FHIT: variants seen among roughly 807,000 people sequenced by gnomAD.
The protein encoded by FHIT is fragile histidine triad diadenosine triphosphatase.
A neutral mutation model predicts 17.9 loss-of-function variants in FHIT; 19 were observed. The observed-to-expected ratio is 1.06, with a 90% CI of 0.74 to 1.56. FHIT has a LOEUF of 1.56. Among genes scored for constraint, FHIT ranks in the 40% most tolerant of loss-of-function variants. The pLI, the probability that FHIT is intolerant of heterozygous loss-of-function variation, is 0.00. For missense variants in FHIT, 248 were observed against 189.2 expected, an observed-to-expected ratio of 1.31 and a Z score of -1.82; for synonymous variants, 81 against 69.7, an observed-to-expected ratio of 1.16 and a Z score of -0.81.
chr3:60,205,782 A>C (rs763086274), intron 5 of FHIT, among the ~76,000 whole-genome samples: 1 of 152,042 alleles, frequency 6.6e-6, no homozygotes, highest in Non-Finnish European at 1.5e-5. Context: ...TTTTGGTGAA[A>C]TTGTGTTTTT....
chr3:60,203,443 C>G (rs1703011898), intron 5 of FHIT, among the ~76,000 whole-genome samples: 1 of 152,158 alleles, frequency 6.6e-6, no homozygotes, highest in African/African-American at 2.4e-5. Context: ...GAAATAAGGA[C>G]TGTCTCTTTC....
intron 4 of FHIT, among the ~76,000 whole-genome samples, chr3:60,735,214 A>T (rs782718058): frequency 2.6e-5 from 4 of 152,216 alleles, no homozygotes; most frequent in African/African-American, 4.8e-5. Flanking sequence ...ATGATAAATG[A>T]TCAAGGCCCA....
At chr3:60,497,631 C>T (rs6789802) in intron 5 of FHIT, among the ~76,000 whole-genome samples, 74,328 of 152,014 alleles carry the variant, frequency 0.49, 19,340 homozygotes, top group East Asian at 0.71. Context: ...ACCCAGGATT[C>T]ATCCAGGATC....
chr3:61,188,520 C>T (rs1426597171), intron 2 of FHIT, among the ~76,000 whole-genome samples: 1 of 152,168 alleles, frequency 6.6e-6, no homozygotes, highest in Non-Finnish European at 1.5e-5. Context: ...GGAGCTAGTA[C>T]CAGTCCTTCT....
At chr3:60,168,348 A>G (rs12172955) in intron 5 of FHIT, among the ~76,000 whole-genome samples, 28,702 of 152,190 alleles carry the variant, frequency 0.19, 3,457 homozygotes, top group East Asian at 0.34. Context: ...TTGTCTATTA[A>G]CAGCGTCCAT....
chr3:61,206,430 T>C (rs1157333316), intron 1 of FHIT, among the ~76,000 whole-genome samples: 2 of 151,648 alleles, frequency 1.3e-5, no homozygotes, highest in African/African-American at 4.9e-5. Flanking sequence ...TTTGACAATA[T>C]TGATTCTTCC....
intron 5 of FHIT, among the ~76,000 whole-genome samples, chr3:60,445,243 C>T (rs1313859770): frequency 6.6e-6 from 1 of 152,068 alleles, no homozygotes; most frequent in East Asian, 1.9e-4. Context: ...CAAATAAACT[C>T]ACAGATGATG....
rs75069997 is a variant in FHIT at position 60,392,857 on chromosome 3, C to G, written c.103+144003G>C. On this transcript the variant is annotated intron_variant, in intron 5 of 9. Transcript: ENST00000492590. ...CATGGAAACAGTTTTTTGGTATGCT[C>G]AAGACATTTTGCTTGTTGACTTTCT... Among the ~76,000 whole-genome samples, 1,293 of 152,160 alleles carry G rather than the reference C, an allele frequency of 8.5e-3. 23 individuals are homozygous for G. Among genetic ancestry groups the G allele is most frequent in the African/African-American group, 0.029 (1,212 of 41,512 alleles).
chr3:60,371,375 T>A (rs114076549), intron 5 of FHIT, among the ~76,000 whole-genome samples: 2,433 of 151,878 alleles, frequency 0.016, 67 homozygotes, highest in African/African-American at 0.055. Context: ...CTTTTTTTTT[T>A]AAGAGATGGG....
intron 3 of FHIT, among the ~76,000 whole-genome samples, chr3:60,919,821 G>A (rs1707187320): frequency 1.3e-5 from 2 of 152,110 alleles, no homozygotes; most frequent in Admixed American, 6.5e-5. Flanking sequence ...AGATCACAAG[G>A]TCAGGAGATC....
chr3:61,048,165 AACC>A (rs2033885718), intron 2 of FHIT, among the ~76,000 whole-genome samples: 1 of 152,182 alleles, frequency 6.6e-6, no homozygotes, highest in Non-Finnish European at 1.5e-5. Flanking sequence ...CAGCAAAAGA[AACC>A]ACCATCAGAG....
intron 5 of FHIT, among the ~76,000 whole-genome samples, chr3:60,103,719 GC>G (rs1293323874): frequency 1.3e-5 from 2 of 152,130 alleles, no homozygotes; most frequent in Non-Finnish European, 2.9e-5. Context: ...TGGTCAGTTA[GC>G]CCTCTGCAAT....
intron 5 of FHIT, among the ~76,000 whole-genome samples, chr3:60,355,206 G>T (rs899796645): frequency 6.6e-6 from 1 of 152,136 alleles, no homozygotes; most frequent in African/African-American, 2.4e-5. Context: ...GAACAAAATA[G>T]TTAGGCTAAT....
rs368955254 is a variant in FHIT at position 61,115,242 on chromosome 3, G to A, written c.-163-73143C>T. 2.0e-5 allele frequency among the ~76,000 whole-genome samples: 3 copies of A among 152,266 alleles called. No individual in the cohort carries two copies. The East Asian group carries it at 5.8e-4, about 29-fold the overall frequency. Reference sequence around the variant, plus strand: ...AGTGGATAATTATAATTGGAAATAAGTGAAAAGCAAGATAACCATCCTTGG... The same window carrying A: ...AGTGGATAATTATAATTGGAAATAAATGAAAAGCAAGATAACCATCCTTGG... On this transcript the variant is annotated intron_variant, in intron 2 of 9. Transcript: ENST00000492590.
chr3:60,332,039 A>C (rs189285086), intron 5 of FHIT, among the ~76,000 whole-genome samples: 149 of 152,208 alleles, frequency 9.8e-4, no homozygotes, highest in African/African-American at 3.4e-3. Context: ...AGGGAGCTGC[A>C]AACTAGAACA....
chr3:59,774,631 T>G (rs1424667698), intron 8 of FHIT, among the ~76,000 whole-genome samples: 1 of 152,236 alleles, frequency 6.6e-6, no homozygotes. Context: ...TATCACAAAT[T>G]GTAATGACAC....
intron 3 of FHIT, among the ~76,000 whole-genome samples, chr3:60,903,274 G>A (rs1441923107): frequency 2.0e-5 from 3 of 152,156 alleles, no homozygotes; most frequent in Non-Finnish European, 2.9e-5. Context: ...AACAATAATT[G>A]TAACTAGAGG....
At chr3:60,080,187 T>G (rs1703216152) in intron 5 of FHIT, among the ~76,000 whole-genome samples, 1 of 152,168 alleles carries the variant, frequency 6.6e-6, no homozygotes, top group Non-Finnish European at 1.5e-5. Context: ...AGTACCTATC[T>G]GTTAGAAATC....
intron 5 of FHIT, among the ~76,000 whole-genome samples, chr3:60,288,583 G>C (rs1357532602): frequency 1.4e-5 from 2 of 143,814 alleles, no homozygotes. Flanking sequence ...GTGTGTGTGT[G>C]TGTGTGTGTG....
Sources: allele counts gnomAD v4.1 joint callset (sites outside exome capture counted in the v4.1 genomes callset), GRCh38; gene constraint gnomAD v4.1.1; transcripts MANE v1.5; gene names NCBI Gene and HGNC (gene_info 2026-07-23, HGNC 2026-07-21).